SPATA16: variants seen among roughly 807,000 people sequenced by gnomAD.
SPATA16 encodes the protein spermatogenesis associated 16.
A neutral mutation model predicts 63.3 loss-of-function variants in SPATA16; 36 were observed. That is an observed-to-expected ratio of 0.57 (90% CI 0.44 to 0.75). SPATA16 has a LOEUF of 0.75. Ranked by LOEUF, SPATA16 falls within the 30% of genes least tolerant of loss-of-function variation. The pLI, the probability that SPATA16 is intolerant of heterozygous loss-of-function variation, is 0.00. For missense variants in SPATA16, 646 were observed against 679.3 expected, an observed-to-expected ratio of 0.95 and a Z score of 0.54; for synonymous variants, 203 against 216.7, an observed-to-expected ratio of 0.94 and a Z score of 0.56.
intron 4 of SPATA16, among the ~76,000 whole-genome samples, chr3:173,010,818 C>T (rs1252595870): frequency 6.6e-6 from 1 of 152,064 alleles, no homozygotes; most frequent in Non-Finnish European, 1.5e-5. Flanking sequence ...ACTCTGCTTG[C>T]CCTCACCTGA....
intron 2 of SPATA16, among the ~76,000 whole-genome samples, chr3:173,092,949 A>G (rs1393332050): frequency 6.6e-6 from 1 of 151,302 alleles, no homozygotes; most frequent in Non-Finnish European, 1.5e-5. Flanking sequence ...CCCTCCTGTT[A>G]TTCTCTATCA....
intron 2 of SPATA16, among the ~76,000 whole-genome samples, chr3:173,102,706 C>T (rs1311009366): frequency 6.6e-6 from 1 of 152,152 alleles, no homozygotes; most frequent in Non-Finnish European, 1.5e-5. Context: ...AGGAGACAGC[C>T]AAATTGTGTC....
intron 6 of SPATA16, among the ~76,000 whole-genome samples, chr3:172,943,188 G>T (rs567133845): frequency 6.6e-6 from 1 of 152,052 alleles, no homozygotes; most frequent in African/African-American, 2.4e-5. Flanking sequence ...GGAGTTAAAC[G>T]TAAGAAAAAG....
chr3:172,919,666 AT>A (rs530642322), intron 8 of SPATA16, among the ~76,000 whole-genome samples: 2 of 151,648 alleles, frequency 1.3e-5, no homozygotes, highest in African/African-American at 4.9e-5. Context: ...GTTCATTTTA[AT>A]TTTTTTTAAT....
At chr3:173,029,711 T>A (rs1735557095) in intron 3 of SPATA16, among the ~76,000 whole-genome samples, 1 of 151,978 alleles carries the variant, frequency 6.6e-6, no homozygotes, top group African/African-American at 2.4e-5. Flanking sequence ...CAAAGACCAG[T>A]CAGCGCCTTG....
chr3:172,963,071 T>C (rs976796043), intron 5 of SPATA16, among the ~76,000 whole-genome samples: 24 of 152,148 alleles, frequency 1.6e-4, no homozygotes, highest in Non-Finnish European at 3.1e-4. Flanking sequence ...TTTATGATGA[T>C]TTTAGTATAA....
intron 10 of SPATA16, among the ~76,000 whole-genome samples, chr3:172,892,288 T>C (rs941251625): frequency 1.5e-4 from 23 of 152,194 alleles, no homozygotes; most frequent in Non-Finnish European, 2.8e-4. Flanking sequence ...TCGGGTTGGC[T>C]TCTAACACTG....
Position 172,920,194 on chromosome 3 carries a change from C to A in SPATA16, c.1339-3713G>T, listed in dbSNP as rs531734458. ...AACTTGAATATATCACTACTCTGAG[C>A]CACAGTTTCCTCATTGGTAAAATGA... On this transcript the variant is annotated intron_variant, in intron 8 of 10. Coordinates refer to ENST00000351008, the MANE Select transcript of SPATA16 (RefSeq NM_031955.6). Among the ~76,000 whole-genome samples the A allele has an allele frequency of 5.9e-5, 9 of 152,274 alleles. No homozygotes were observed. In the East Asian group the frequency reaches 1.7e-3, roughly 29 times the overall value.
intron 3 of SPATA16, among the ~76,000 whole-genome samples, chr3:173,028,603 A>T (rs1735524879): frequency 6.6e-6 from 1 of 152,056 alleles, no homozygotes; most frequent in South Asian, 2.1e-4. Context: ...AAAAAATCTT[A>T]GTTATAAACA....
At chr3:173,024,302 A>G (rs576535496) in intron 3 of SPATA16, among the ~76,000 whole-genome samples, 1 of 151,700 alleles carries the variant, frequency 6.6e-6, no homozygotes, top group African/African-American at 2.4e-5. Context: ...CATAGGCTAA[A>G]TTTTTTAGAA....
intron 2 of SPATA16, among the ~76,000 whole-genome samples, chr3:173,081,901 T>A (rs1736932763): frequency 6.6e-6 from 1 of 152,230 alleles, no homozygotes; most frequent in Non-Finnish European, 1.5e-5. Flanking sequence ...AATCATATGG[T>A]TATTCTAGAA....
At chr3:173,020,271 G>A (rs1735295846) in intron 3 of SPATA16, among the ~76,000 whole-genome samples, 1 of 151,726 alleles carries the variant, frequency 6.6e-6, no homozygotes, top group Non-Finnish European at 1.5e-5. Flanking sequence ...CAGCCTGGGG[G>A]ACAAGAGCGA....
chr3:173,108,423 C>T (rs1258335041), intron 2 of SPATA16, among the ~76,000 whole-genome samples: 1 of 151,848 alleles, frequency 6.6e-6, no homozygotes, highest in African/African-American at 2.4e-5. Flanking sequence ...TGGGTTAAAA[C>T]CTATTGTGAT....
In SPATA16 at chr3:173,003,486, G is replaced by A. The variant is rs1040383335; in HGVS notation, c.848+16000C>T. On this transcript the variant is annotated intron_variant, in intron 4 of 10. Transcript: ENST00000351008. ...ACAAAGTCCAGATTTGCTGCTTATCGGCAGTGTAATCTTCGACAAGTCATT... is the reference window on the plus strand; with the variant it reads ...ACAAAGTCCAGATTTGCTGCTTATCAGCAGTGTAATCTTCGACAAGTCATT... Among the ~76,000 whole-genome samples the A allele has an allele frequency of 6.6e-5, 10 of 152,210 alleles. No individual in the cohort carries two copies. In the East Asian group the frequency reaches 7.7e-4, roughly 12 times the overall value.
chr3:172,900,285 C>T (rs932962226), intron 10 of SPATA16, among the ~76,000 whole-genome samples: 1 of 152,122 alleles, frequency 6.6e-6, no homozygotes, highest in Admixed American at 6.5e-5. Flanking sequence ...AAGCCATTGT[C>T]ATTTATTTTT....
At chr3:173,026,440 T>G (rs1195313629) in intron 3 of SPATA16, among the ~76,000 whole-genome samples, 2 of 151,962 alleles carry the variant, frequency 1.3e-5, no homozygotes, top group Admixed American at 1.3e-4. Context: ...TTTTTGATGA[T>G]GTCCAACTTA....
At chr3:172,903,338 A>G (rs1732164100) in intron 10 of SPATA16, among the ~76,000 whole-genome samples, 1 of 152,238 alleles carries the variant, frequency 6.6e-6, no homozygotes, top group African/African-American at 2.4e-5. Context: ...TGCAAAGATA[A>G]AACTCCTCTA....
intron 2 of SPATA16, among the ~76,000 whole-genome samples, chr3:173,069,526 A>G (rs1224439235): frequency 6.6e-6 from 1 of 152,236 alleles, no homozygotes; most frequent in Non-Finnish European, 1.5e-5. Flanking sequence ...CCAGGACCTT[A>G]TGACTTCACT....
At chr3:173,030,101 TCTAC>T (rs1198127756) in intron 3 of SPATA16, among the ~76,000 whole-genome samples, 1 of 129,408 alleles carries the variant, frequency 7.7e-6, no homozygotes, top group East Asian at 2.2e-4. Context: ...TATCTATCTA[TCTAC>T]CCACCCACCT....
Sources: allele counts gnomAD v4.1 joint callset (sites outside exome capture counted in the v4.1 genomes callset), GRCh38; gene constraint gnomAD v4.1.1; transcripts MANE v1.5; gene names NCBI Gene and HGNC (gene_info 2026-07-23, HGNC 2026-07-21).